The following DTWD2 variants were observed in gnomAD, a reference collection of about 807,000 sequenced individuals.
The protein encoded by DTWD2 is DTW motif tRNA-uridine aminocarboxypropyltransferase 2.
A neutral mutation model predicts 31.8 loss-of-function variants in DTWD2; 39 were observed. That is an observed-to-expected ratio of 1.22 (90% CI 0.95 to 1.60). DTWD2 has a LOEUF of 1.60. Among genes scored for constraint, DTWD2 ranks in the 40% most tolerant of loss-of-function variants. The pLI is 0.00. For synonymous variants in DTWD2, 180 were observed against 142.8 expected, an observed-to-expected ratio of 1.26 and a Z score of -1.86; for missense variants, 515 against 381.5, an observed-to-expected ratio of 1.35 and a Z score of -2.92.
chr5:118,924,372 G>A (rs192647823), intron 4 of DTWD2, among the ~76,000 whole-genome samples: 14 of 152,274 alleles, frequency 9.2e-5, no homozygotes, highest in African/African-American at 3.4e-4. Flanking sequence ...AAAGCCTGAA[G>A]CCTCTCCTAC....
intron 4 of DTWD2, among the ~76,000 whole-genome samples, chr5:118,898,868 A>T (rs957789581): frequency 1.3e-5 from 2 of 152,162 alleles, no homozygotes; most frequent in Non-Finnish European, 2.9e-5. Context: ...TGCACACTTG[A>T]TTGAGAAGTA....
At chr5:118,874,608 C>T (rs955166258) in intron 4 of DTWD2, among the ~76,000 whole-genome samples, 2 of 152,006 alleles carry the variant, frequency 1.3e-5, no homozygotes, top group South Asian at 4.2e-4. Context: ...AGGAAAGAAT[C>T]TCAGAGCTTG....
At chr5:118,875,121 G>A (rs1173392550) in intron 4 of DTWD2, among the ~76,000 whole-genome samples, 4 of 151,932 alleles carry the variant, frequency 2.6e-5, no homozygotes, top group Non-Finnish European at 4.4e-5. Context: ...AGATTCATAC[G>A]GAGAAAAAAG....
Position 118,988,279 on chromosome 5 carries a change from C to A in DTWD2, c.218+15G>T. The A allele has an allele frequency of 6.6e-7, 1 of 1,526,144 alleles. No homozygotes were observed. The highest frequency in any genetic ancestry group is 8.8e-7 in the Non-Finnish European group (1 of 1,141,404). The allele number at this position is 1,526,144 out of a possible 1,614,324, so 94.5% of individuals were successfully genotyped here. Reference sequence around the variant, plus strand: ...CGCTGCCGGCTGCAGTCCCCGCCCCCAGCCCCGCGGTCACCTGCAGCGGGT... The same window carrying A: ...CGCTGCCGGCTGCAGTCCCCGCCCCAAGCCCCGCGGTCACCTGCAGCGGGT... On this transcript the variant is annotated intron_variant, in intron 1 of 5. Transcript: ENST00000510708.
At chr5:118,841,141 T>C in intron 5 of DTWD2, 54 bp from the exon 6 acceptor site, 1 of 1,542,312 alleles carries the variant, frequency 6.5e-7, no homozygotes. Context: ...CATGATATTC[T>C]ATCTATATTT....
At chr5:118,923,228 A>G (rs1175179496) in intron 4 of DTWD2, among the ~76,000 whole-genome samples, 1 of 152,162 alleles carries the variant, frequency 6.6e-6, no homozygotes, top group Admixed American at 6.5e-5. Flanking sequence ...ACCACTAGGA[A>G]TATCAGGTGA....
chr5:118,967,982 G>A (rs1754891639), intron 1 of DTWD2, among the ~76,000 whole-genome samples: 1 of 152,106 alleles, frequency 6.6e-6, no homozygotes, highest in South Asian at 2.1e-4. Context: ...TTAACCAAAT[G>A]ATCTATGTTA....
Position 118,951,241 on chromosome 5 carries a change from T to C in DTWD2, c.219-6592A>G, listed in dbSNP as rs538173317. ...AGGAGAGGAGGTGATAGAAGGATTA[T>C]AGGGTGGAGGAGCAGAAGCCGAGGA... is the stretch of plus-strand genomic sequence containing the variant. On this transcript the variant is annotated intron_variant, in intron 1 of 5. Coordinates refer to ENST00000510708, the MANE Select transcript of DTWD2 (RefSeq NM_173666.4). 7.0e-4 allele frequency among the ~76,000 whole-genome samples: 106 copies of C among 152,038 alleles called. 1 individual carries two copies. The highest frequency in any genetic ancestry group is 6.8e-3 in the Middle Eastern group (2 of 294).
chr5:118,878,441 G>A (rs927063953), intron 4 of DTWD2, among the ~76,000 whole-genome samples: 1 of 152,146 alleles, frequency 6.6e-6, no homozygotes, highest in African/African-American at 2.4e-5. Flanking sequence ...AATGGTGCTA[G>A]GATAACTGGC....
At chr5:118,980,084 T>C (rs943640283) in intron 1 of DTWD2, among the ~76,000 whole-genome samples, 4 of 152,256 alleles carry the variant, frequency 2.6e-5, no homozygotes, top group Admixed American at 1.3e-4. Context: ...TCCATGGGTC[T>C]CTTACATTTC....
At chr5:118,939,885 A>C (rs1311291608) in intron 2 of DTWD2, among the ~76,000 whole-genome samples, 21 of 152,238 alleles carry the variant, frequency 1.4e-4, no homozygotes, top group Admixed American at 1.1e-3. Flanking sequence ...GTTATAACCC[A>C]AAGTACAAAT....
chr5:118,944,137 C>A (rs1442465354), intron 2 of DTWD2, among the ~76,000 whole-genome samples: 1 of 152,050 alleles, frequency 6.6e-6, no homozygotes, highest in African/African-American at 2.4e-5. Context: ...CTAAAATAAA[C>A]CAAAAATTTA....
intron 4 of DTWD2, among the ~76,000 whole-genome samples, chr5:118,887,765 T>C (rs1186853835): frequency 6.6e-6 from 1 of 152,212 alleles, no homozygotes; most frequent in Admixed American, 6.5e-5. Flanking sequence ...ACCACAGACA[T>C]GTGCCACCAC....
chr5:118,955,068 A>C (rs1314240409), intron 1 of DTWD2, among the ~76,000 whole-genome samples: 3 of 152,214 alleles, frequency 2.0e-5, no homozygotes, highest in Non-Finnish European at 4.4e-5. Context: ...TATTTACTGA[A>C]GAAAACAGTT....
intron 4 of DTWD2, among the ~76,000 whole-genome samples, chr5:118,918,322 AG>A (rs145564445): frequency 0.011 from 1,605 of 152,152 alleles, 29 homozygotes; most frequent in African/African-American, 0.037. Context: ...TATATCAGTC[AG>A]GTTTTTTTTT....
intron 1 of DTWD2, among the ~76,000 whole-genome samples, chr5:118,974,854 C>T (rs1426519926): frequency 6.6e-6 from 1 of 152,120 alleles, no homozygotes; most frequent in African/African-American, 2.4e-5. Context: ...TATTGGCCCC[C>T]ACTCTCTTCT....
intron 4 of DTWD2, among the ~76,000 whole-genome samples, chr5:118,850,869 AT>A (rs1224271454): frequency 6.6e-6 from 1 of 152,148 alleles, no homozygotes; most frequent in Non-Finnish European, 1.5e-5. Context: ...GTGAAAATAC[AT>A]TTTTCAAAAG....
At chr5:118,945,774 A>AAAAAGAAAGAAAGAAAGAAAGAAAGAAAG (rs1336464124) in intron 1 of DTWD2, among the ~76,000 whole-genome samples, 1 of 134,262 alleles carries the variant, frequency 7.4e-6, no homozygotes, top group African/African-American at 2.9e-5. Context: ...CAAAAAAAAA[A>AAAAAGAAAGAAAGAAAGAAAGAAAGAAAG]AAAGAAAGAA....
At chr5:118,912,344 G>T (rs1276081456) in intron 4 of DTWD2, among the ~76,000 whole-genome samples, 1 of 151,980 alleles carries the variant, frequency 6.6e-6, no homozygotes, top group African/African-American at 2.4e-5. Flanking sequence ...ACATAAGATA[G>T]AAAAAACAAC....
Sources: allele counts gnomAD v4.1 joint callset (sites outside exome capture counted in the v4.1 genomes callset), GRCh38; gene constraint gnomAD v4.1.1; transcripts MANE v1.5; gene names NCBI Gene and HGNC (gene_info 2026-07-23, HGNC 2026-07-21).